SDSL: variants seen among roughly 807,000 people sequenced by gnomAD.
The protein encoded by SDSL is serine dehydratase like, also known as serine dehydratase-like.
Under a neutral mutation model 27.6 loss-of-function variants are expected in SDSL, and 26 were observed. The observed-to-expected ratio is 0.94, with a 90% CI of 0.69 to 1.31. The LOEUF is 1.31. SDSL is among the 50% of genes most tolerant of loss of function. The pLI is 0.00. For synonymous variants in SDSL, 196 were observed against 180.6 expected (o/e 1.09, Z -0.69); for missense variants, 431 against 423.5 (o/e 1.02, Z -0.16).
chr12:113,436,874 G>A lies in SDSL; in HGVS notation c.795G>A (p.Leu265=), dbSNP rs763529239. ...CTGTGAGCGCTGTGCAGCAGCTCCTGGGTGAGTGATCCCTGTCCTCCACCT... is the reference window on the plus strand; with the variant it reads ...CTGTGAGCGCTGTGCAGCAGCTCCTAGGTGAGTGATCCCTGTCCTCCACCT... The part of the protein sequence containing the change: ...TEAVSAVQQL[L]DDERMLVEPA... Residue 265 remains leucine, a splice_region_variant and synonymous_variant, in exon 7 of 8, where the codon CTG becomes CTA. Coordinates refer to ENST00000403593, the MANE Select transcript of SDSL (RefSeq NM_001304993.2). The A allele has an allele frequency of 2.2e-5, 35 of 1,595,630 alleles. No homozygotes were observed. The African/African-American group carries it at 3.8e-4, about 17-fold the overall frequency.
In SDSL at chr12:113,429,170, G is replaced by C; in HGVS notation, c.225G>C (p.Ala75=). Residue 75 remains alanine, a synonymous_variant, in exon 4 of 8, where the codon GCG becomes GCC. Coordinates refer to ENST00000403593, the MANE Select transcript of SDSL (RefSeq NM_001304993.2). ...CTCCTTTCTGCACAGGGGGTAATGC[G>C]GGCATCGCTGCTGCCTATGCTGCTA... ...RHLVCSSGGN[A]GIAAAYAARK... is the part of the protein sequence containing the mutation. 4 of 1,613,234 alleles carry C rather than the reference G, an allele frequency of 2.5e-6. No individual in the cohort carries two copies. The highest frequency in any genetic ancestry group is 3.4e-6 in the Non-Finnish European group (4 of 1,179,554).
chr12:113,429,263 G>T lies in SDSL; in HGVS notation c.318G>T (p.Leu106=), dbSNP rs764247849. Residue 106 remains leucine, a synonymous_variant, in exon 4 of 8, where the codon CTG becomes CTT. Coordinates refer to ENST00000403593, the MANE Select transcript of SDSL (RefSeq NM_001304993.2). ...ESTSLQVVQR[L]QGEGAEVQLT... ...CCTCCCTGCAGGTGGTGCAGAGGCTGCAGGGGGAGGGGGCCGAGGTTCAGC... is the reference window on the plus strand; with the variant it reads ...CCTCCCTGCAGGTGGTGCAGAGGCTTCAGGGGGAGGGGGCCGAGGTTCAGC... 8 of 1,613,224 alleles carry T rather than the reference G, an allele frequency of 5.0e-6. No homozygotes were observed. The East Asian group carries it at 1.6e-4, about 31-fold the overall frequency.
At chr12:113,427,865 C>T in intron 1 of SDSL, 97 bp from the exon 2 acceptor site, 1 of 1,148,040 alleles carries the variant, frequency 8.7e-7, no homozygotes, top group Non-Finnish European at 1.2e-6. Flanking sequence ...GTGAAGGGCA[C>T]CTAAGCCAAG....
In SDSL at chr12:113,432,209, C is replaced by CTTCTTTCT. The variant is rs71086169; in HGVS notation, c.355-1848_355-1841dup. On this transcript the variant is annotated intron_variant, in intron 4 of 7. Coordinates refer to ENST00000403593, the MANE Select transcript of SDSL (RefSeq NM_001304993.2). ...CCTGGCTGACAGGTTTGTTTGTTTG[C>CTTCTTTCT]TTCTTTCTTTCTTTCTTTCTTTCTT... Among the ~76,000 whole-genome samples, 12 of 102,594 alleles carry CTTCTTTCT rather than the reference C, an allele frequency of 1.2e-4. 1 individual carries two copies. The highest frequency in any genetic ancestry group is 3.2e-4 in the East Asian group (1 of 3,112). The allele number at this position is 102,594 out of a possible 152,430, so 67.3% of individuals were successfully genotyped here.
intron 1 of SDSL, among the ~76,000 whole-genome samples, chr12:113,424,534 A>G (rs1011035178): frequency 4.6e-5 from 7 of 152,166 alleles, no homozygotes; most frequent in African/African-American, 1.2e-4. Context: ...GTTGATGTCT[A>G]TCTTGTCCAC....
chr12:113,435,696 A>C, intron 6 of SDSL, 140 bp downstream of exon 6: 1 of 647,882 alleles, frequency 1.5e-6, no homozygotes, highest in Non-Finnish European at 2.7e-6. Flanking sequence ...AGTAAAGTGG[A>C]CCTGAGTTAG....
Position 113,437,909 on chromosome 12 carries a change from C to T in SDSL, c.820C>T (p.Pro274Ser). Reference protein sequence around the residue: ...LLDDERMLVEPACGAALAAIY... With the variant: ...LLDDERMLVESACGAALAAIY... ...AGATGATGAGCGTATGCTGGTGGAG[C>T]CTGCCTGTGGGGCAGCCTTAGCAGC... The change falls in exon 8 of 8, where the codon CCT becomes TCT. Residue 274 changes from proline to serine, a missense_variant. By Grantham distance (74) the Pro-to-Ser change is moderately conservative. Coordinates refer to ENST00000403593, the MANE Select transcript of SDSL (RefSeq NM_001304993.2). 2 of 1,609,838 alleles carry T rather than the reference C, an allele frequency of 1.2e-6. No individual in the cohort carries two copies. Among genetic ancestry groups the T allele is most frequent in the South Asian group, 1.1e-5 (1 of 90,476 alleles).
intron 2 of SDSL, 92 bp from the exon 3 acceptor site, chr12:113,428,328 G>A: frequency 7.3e-7 from 1 of 1,377,438 alleles, no homozygotes; most frequent in Middle Eastern, 2.4e-4. Flanking sequence ...AGGCGTATTG[G>A]GAGTGGGATG....
chr12:113,437,255 C>T (rs1212272056), intron 7 of SDSL: 1 of 169,216 alleles, frequency 5.9e-6, no homozygotes, highest in African/African-American at 2.4e-5. Flanking sequence ...CCTCCTGGTT[C>T]TTATCCCTCT....
intron 1 of SDSL, among the ~76,000 whole-genome samples, chr12:113,423,792 G>T (rs1957817628): frequency 6.6e-6 from 1 of 152,044 alleles, no homozygotes; most frequent in African/African-American, 2.4e-5. Flanking sequence ...GGAGTAGGGG[G>T]AGTTCATCCT....
In SDSL at chr12:113,431,845, T is replaced by C. The variant is rs192632647; in HGVS notation, c.355-2289T>C. Among the ~76,000 whole-genome samples, 752 of 151,766 alleles carry C rather than the reference T, an allele frequency of 5.0e-3. 6 individuals carry two copies. Among genetic ancestry groups the C allele is most frequent in the African/African-American group, 0.017 (689 of 41,372 alleles). On this transcript the variant is annotated intron_variant, in intron 4 of 7. Transcript: ENST00000403593. ...GGTCTGCCTCCCGGGTTCACACCGT[T>C]CTCCTGCCTCAGCCTCCCGAGTAGC...
intron 1 of SDSL, among the ~76,000 whole-genome samples, chr12:113,426,767 A>C (rs1213353915): frequency 1.3e-5 from 2 of 152,050 alleles, no homozygotes; most frequent in Non-Finnish European, 2.9e-5. Flanking sequence ...GTGAGACCCT[A>C]TCTCTACAAA....
intron 4 of SDSL, 53 bp downstream of exon 4, chr12:113,429,352 T>C: frequency 6.4e-7 from 1 of 1,551,510 alleles, no homozygotes; most frequent in South Asian, 1.2e-5. Context: ...CTCCTTCACC[T>C]CACCCCACCC....
At position 113,437,978 on chromosome 12, in the gene SDSL, C is replaced by T; in HGVS notation, c.889C>T (p.Leu297=). Residue 297 remains leucine, a synonymous_variant, in exon 8 of 8, where the codon CTG becomes TTG. Coordinates refer to ENST00000403593, the MANE Select transcript of SDSL (RefSeq NM_001304993.2). ...GCGGAGGCTCCAGGCCGAGGGCTGC[C>T]TGCCCCCTTCCCTGACTTCAGTTGT... ...LLRRLQAEGC[L]PPSLTSVVVI... 6.2e-7 allele frequency: 1 copy of T among 1,614,168 alleles called. No individual in the cohort carries two copies. The highest frequency in any genetic ancestry group is 8.5e-7 in the Non-Finnish European group (1 of 1,179,984).
rs1291181891 is a variant in SDSL at position 113,428,041 on chromosome 12, T to C, written c.59T>C (p.Leu20Pro). The C allele has an allele frequency of 6.2e-7, 1 of 1,613,994 alleles. No individual in the cohort carries two copies. The highest frequency in any genetic ancestry group is 8.5e-7 in the Non-Finnish European group (1 of 1,179,958). Residue 20 changes from leucine to proline, a missense_variant, in exon 2 of 8, where the codon CTG becomes CCG. By Grantham distance (98) the Leu-to-Pro change is moderately conservative. Transcript: ENST00000403593. ...KQEPFHVVTP[L>P]LESWALSQVA... ...GAGCCCTTTCACGTGGTCACACCTC[T>C]GTTGGAGAGCTGGGCGCTGTCCCAG...
rs1390107338 is a variant in SDSL, at chr12:113,429,439, G to T, written c.354+140G>T. 4 of 975,676 alleles carry T rather than the reference G, an allele frequency of 4.1e-6. No homozygotes were observed. In the Admixed American group the frequency reaches 8.4e-5, roughly 21 times the overall value. The allele number at this position is 975,676 out of a possible 1,614,324, so 60.4% of individuals were successfully genotyped here. ...TCCTCTCTCAGGATAGCTGAGCTGA[G>T]GGGGGAATGAGGTGGGATGGGTGTT... On this transcript the variant is annotated intron_variant, in intron 4 of 7. Transcript: ENST00000403593.
chr12:113,425,592 T>C, intron 1 of SDSL: 1 of 452,280 alleles, frequency 2.2e-6, no homozygotes, highest in Non-Finnish European at 4.4e-6. Context: ...GAGCTGGCTG[T>C]ATTTTTTCCT....
At chr12:113,435,816 A>C (rs183377509) in intron 6 of SDSL, among the ~76,000 whole-genome samples, 1 of 152,228 alleles carries the variant, frequency 6.6e-6, no homozygotes, top group Non-Finnish European at 1.5e-5. Flanking sequence ...TGTGTGTTGC[A>C]AATAAGTTTG....
chr12:113,434,324 A>C (rs935991241), intron 5 of SDSL, 102 bp downstream of exon 5: 5 of 873,600 alleles, frequency 5.7e-6, no homozygotes, highest in Admixed American at 2.4e-5. Flanking sequence ...CCCAGAGGGG[A>C]GAAGAGGCTT....
Sources: allele counts gnomAD v4.1 joint callset (sites outside exome capture counted in the v4.1 genomes callset), GRCh38; gene constraint gnomAD v4.1.1; transcripts MANE v1.5; gene names NCBI Gene and HGNC (gene_info 2026-07-23, HGNC 2026-07-21).